GOLGA2: variants seen among roughly 807,000 people sequenced by gnomAD.
GOLGA2 encodes the protein golgin subfamily A member 2.
A neutral mutation model predicts 148.8 loss-of-function variants in GOLGA2; 49 were observed. The ratio of observed to expected loss-of-function variants is 0.33; its 90% CI spans 0.26 to 0.42. The LOEUF (loss-of-function observed/expected upper bound fraction) is 0.42. Among genes scored for constraint, GOLGA2 ranks in the 10% least tolerant of loss-of-function variants. The pLI, the probability that GOLGA2 is intolerant of heterozygous loss-of-function variation, is 1.00. For missense variants in GOLGA2, 1,178 were observed against 1,304.6 expected (o/e 0.90, Z 1.49); for synonymous variants, 501 against 511.8 (o/e 0.98, Z 0.28).
chr9:128,263,225 C>A, intron 12 of GOLGA2, 133 bp from the exon 13 acceptor site: 1 of 700,810 alleles, frequency 1.4e-6, no homozygotes. Flanking sequence ...GTTTTCAAGG[C>A]ATTTCCAAGC....
chr9:128,265,555 C>T, intron 12 of GOLGA2, 30 bp downstream of exon 12: 1 of 1,492,660 alleles, frequency 6.7e-7, no homozygotes, highest in Non-Finnish European at 9.3e-7. Flanking sequence ...AGCCAGTATG[C>T]CAGGGGACGG....
intron 3 of GOLGA2, among the ~76,000 whole-genome samples, chr9:128,269,500 G>A (rs1830801057): frequency 6.6e-6 from 1 of 152,060 alleles, no homozygotes; most frequent in African/African-American, 2.4e-5. Context: ...AGTACCTGAG[G>A]ACAATCCTAG....
At position 128,258,110 on chromosome 9, in the gene GOLGA2, C is replaced by G; in HGVS notation, c.2378G>C (p.Arg793Pro). ...CGAGGCCAGCAGGTGAGCCAGGCGC[C>G]GGCAGCGCACCCTTTGCTCCTTCAG... ...GQLKEQRVRC[R>P]RLAHLLASAQ... The change falls in exon 23 of 27, where the codon CGG becomes CCG. Residue 793 changes from arginine to proline, a missense_variant. Transcript: ENST00000611957. This position sits in a 1 kb window ranked among gnomAD's most constrained non-coding sequence, Gnocchi z 6.6. 4 of 1,609,376 alleles carry G rather than the reference C, an allele frequency of 2.5e-6. No individual in the cohort carries two copies. The highest frequency in any genetic ancestry group is 3.4e-6 in the Non-Finnish European group (4 of 1,179,604).
chr9:128,258,295 C>T lies in GOLGA2; in HGVS notation c.2290-97G>A. 1 of 1,150,356 alleles carries T rather than the reference C, an allele frequency of 8.7e-7. No homozygotes were observed. Among genetic ancestry groups the T allele is most frequent in the Non-Finnish European group, 1.3e-6 (1 of 790,610 alleles). The allele number at this position is 1,150,356 out of a possible 1,614,324, so 71.3% of individuals were successfully genotyped here. A position where few individuals can be genotyped will look rare whatever the true frequency, so the allele number is the denominator to read the frequency against. ...CCTTCCCTTGGGGCCTCAGAGGGTG[C>T]ACTTGTTGGTCCCAAGTGAAATGGT... On this transcript the variant is annotated intron_variant, in intron 22 of 26. Coordinates refer to ENST00000611957, the MANE Select transcript of GOLGA2 (RefSeq NM_001366244.2). The surrounding 1 kb of genome is among the most constrained non-coding windows in gnomAD (Gnocchi z 6.6).
rs1830363713 is a variant in GOLGA2, at chr9:128,262,966, C to T, written c.992+68G>A. On this transcript the variant is annotated intron_variant, in intron 13 of 26. Coordinates refer to ENST00000611957, the MANE Select transcript of GOLGA2 (RefSeq NM_001366244.2). ...TACCTCATCATGCTTACCTGTACCC[C>T]CCACCTCCCAGCACACCACCCATGC... 3.0e-5 allele frequency: 33 copies of T among 1,085,332 alleles called. No individual in the cohort carries two copies. In the East Asian group the frequency reaches 7.1e-4, roughly 23 times the overall value. The allele number at this position is 1,085,332 out of a possible 1,614,324, so 67.2% of individuals were successfully genotyped here.
At chr9:128,262,062 A>C (rs1830307985) in intron 14 of GOLGA2, 1 of 363,080 alleles carries the variant, frequency 2.8e-6, no homozygotes. Flanking sequence ...TTAGCCAGGC[A>C]TGGTAGTGTG....
intron 19 of GOLGA2, 116 bp from the exon 20 acceptor site, chr9:128,259,507 G>A: frequency 1.5e-6 from 1 of 653,250 alleles, no homozygotes; most frequent in East Asian, 2.8e-5. Context: ...CTTGCTCCAG[G>A]CCTAAGTGAC....
chr9:128,258,448 G>A lies in GOLGA2; in HGVS notation c.2289+7C>T, dbSNP rs1211928668. 3 of 1,609,166 alleles carry A rather than the reference G, an allele frequency of 1.9e-6. No individual in the cohort carries two copies. Among genetic ancestry groups the A allele is most frequent in the Non-Finnish European group, 1.7e-6 (2 of 1,175,992 alleles). ...AGCAAAGGTTGGGGAGGGGGAGTCAGCCTCACCATGGCTTCCCGGCTCTCC... is the reference window on the plus strand; with the variant it reads ...AGCAAAGGTTGGGGAGGGGGAGTCAACCTCACCATGGCTTCCCGGCTCTCC... On this transcript the variant is annotated splice_region_variant and intron_variant, in intron 22 of 26. Transcript: ENST00000611957. The surrounding 1 kb of genome is among the most constrained non-coding windows in gnomAD (Gnocchi z 6.6).
chr9:128,272,708 C>G, intron 3 of GOLGA2, 77 bp downstream of exon 3: 1 of 360,568 alleles, frequency 2.8e-6, no homozygotes, highest in South Asian at 2.5e-5. Context: ...GGCAAAGTAT[C>G]CCCCAAACCA....
intron 12 of GOLGA2, among the ~76,000 whole-genome samples, chr9:128,265,063 G>A (rs1327486341): frequency 6.6e-6 from 1 of 152,138 alleles, no homozygotes; most frequent in Non-Finnish European, 1.5e-5. Flanking sequence ...ATTATCTTTT[G>A]TTCAGTTTTT....
chr9:128,265,957 A>G lies in GOLGA2; in HGVS notation c.732+13T>C, dbSNP rs765666725. 4 of 1,610,952 alleles carry G rather than the reference A, an allele frequency of 2.5e-6. No homozygotes were observed. Among genetic ancestry groups the G allele is most frequent in the Non-Finnish European group, 3.4e-6 (4 of 1,177,142 alleles). ...TCCAGAGGACAGGACGGAACTTCAC[A>G]CCCTCCACTCACCTGTAACTGCTCC... On this transcript the variant is annotated intron_variant, in intron 10 of 26. Coordinates refer to ENST00000611957, the MANE Select transcript of GOLGA2 (RefSeq NM_001366244.2).
chr9:128,273,701 C>T, intron 2 of GOLGA2, 149 bp downstream of exon 2: 1 of 979,082 alleles, frequency 1.0e-6, no homozygotes, highest in Non-Finnish European at 1.5e-6. Context: ...AAGCAATTTG[C>T]CCTAAATCAC....
Position 128,272,800 on chromosome 9 carries a change from TG to T in GOLGA2, c.272del (p.Pro91HisfsTer93). 2.4e-6 allele frequency: 3 copies of T among 1,265,846 alleles called. No homozygotes were observed. Among genetic ancestry groups the T allele is most frequent in the Non-Finnish European group, 2.1e-6 (2 of 970,460 alleles). 78.4% of individuals were successfully genotyped at this position (1,265,846 alleles called of 1,614,324 possible). ...LNRSNGVALP[P>X]LDKWKTPKDN... The stretch of plus-strand genomic sequence containing the variant: ...ACTGCCTCACCTTCCACTTGTCCAA[TG>T]GGGGGAGCGCTACCCCATTGGAACG... On this transcript the variant is annotated frameshift_variant, in exon 3 of 27. Transcript: ENST00000611957.
intron 3 of GOLGA2, among the ~76,000 whole-genome samples, chr9:128,270,328 C>CTCT (rs1830861534): frequency 6.6e-6 from 1 of 151,952 alleles, no homozygotes; most frequent in Non-Finnish European, 1.5e-5. Flanking sequence ...GATGGGGTTT[C>CTCT]ACCATGTTGG....
intron 1 of GOLGA2, chr9:128,275,366 C>A: frequency 7.8e-7 from 1 of 1,275,970 alleles, no homozygotes; most frequent in South Asian, 2.7e-5. Context: ...CATTCCACTC[C>A]TAGGGGGAAC....
rs1830032872 is a variant in GOLGA2 at position 128,258,340 on chromosome 9, G to A, written c.2289+115C>T. On this transcript the variant is annotated intron_variant, in intron 22 of 26. Coordinates refer to ENST00000611957, the MANE Select transcript of GOLGA2 (RefSeq NM_001366244.2). The surrounding 1 kb of genome is among the most constrained non-coding windows in gnomAD (Gnocchi z 6.6). ...AATGGTGTCTCACCACTGGCTCCCA[G>A]GAAAGGGGTGAGGGTCCGAAGAAAT... The A allele has an allele frequency of 1.7e-6, 2 of 1,176,660 alleles. No homozygotes were observed. The highest frequency in any genetic ancestry group is 1.5e-5 in the African/African-American group (1 of 66,078). 72.9% of individuals were successfully genotyped at this position (1,176,660 alleles called of 1,614,324 possible).
intron 19 of GOLGA2, among the ~76,000 whole-genome samples, chr9:128,259,851 G>A (rs981961727): frequency 3.3e-5 from 5 of 152,220 alleles, no homozygotes; most frequent in Admixed American, 1.3e-4. Flanking sequence ...GTGATTGGGA[G>A]AAATCCATGC....
rs1830705613 is a variant in GOLGA2, at chr9:128,268,063, G to A, written c.437+54C>T. ...AATGGGAAAGAAGGTCATGGGCAGTGGCCTCCCTGACTCTCTCAGCCTAGA... is the reference window on the plus strand; with the variant it reads ...AATGGGAAAGAAGGTCATGGGCAGTAGCCTCCCTGACTCTCTCAGCCTAGA... On this transcript the variant is annotated intron_variant, in intron 5 of 26. Transcript: ENST00000611957. The A allele has an allele frequency of 1.4e-5, 22 of 1,593,432 alleles. No homozygotes were observed. The South Asian group carries it at 1.9e-4, about 14-fold the overall frequency.
chr9:128,262,447 A>G lies in GOLGA2; in HGVS notation c.1134+116T>C, dbSNP rs1169991972. ...TAGAGGATTTTATGCCAGGACCGGA[A>G]CAAGGACCCAAATTTTCCAGCTCTT... is the stretch of plus-strand genomic sequence containing the variant. On this transcript the variant is annotated intron_variant, in intron 14 of 26. Transcript: ENST00000611957. 4.3e-6 allele frequency: 4 copies of G among 925,000 alleles called. No individual in the cohort carries two copies. In the Admixed American group the frequency reaches 1.1e-4, roughly 25 times the overall value. 57.3% of individuals were successfully genotyped at this position (925,000 alleles called of 1,614,324 possible). A position where few individuals can be genotyped will look rare whatever the true frequency, so the allele number is the denominator to read the frequency against.
Sources: allele counts gnomAD v4.1 joint callset (sites outside exome capture counted in the v4.1 genomes callset), GRCh38; gene constraint gnomAD v4.1.1; non-coding constraint Gnocchi (gnomAD v3.1); transcripts MANE v1.5; gene names NCBI Gene and HGNC (gene_info 2026-07-23, HGNC 2026-07-21).